The following PDPN variants were observed in gnomAD, a reference collection of about 807,000 sequenced individuals.
PDPN encodes the protein podoplanin.
PDPN carries 12 observed loss-of-function variants against 23.2 expected under a neutral mutation model. The observed-to-expected ratio is 0.52, with a 90% CI of 0.33 to 0.84. PDPN has a LOEUF of 0.84. PDPN is among the 40% of genes least tolerant of loss of function. PDPN has a pLI of 0.02. For missense variants in PDPN, 199 were observed against 212.2 expected, an observed-to-expected ratio of 0.94 and a Z score of 0.39; for synonymous variants, 77 against 76.7, an observed-to-expected ratio of 1.00 and a Z score of -0.02.
intron 2 of PDPN, 28 bp from the exon 3 acceptor site, chr1:13,610,359 T>G: frequency 4.4e-6 from 7 of 1,600,798 alleles, no homozygotes; most frequent in Non-Finnish European, 6.0e-6. Flanking sequence ...CTTTATTTCC[T>G]GTTTTTCCTC....
At position 13,607,141 on chromosome 1, in the gene PDPN, C is replaced by T. The variant is rs564373614; in HGVS notation, c.68-32C>T. 79 of 1,605,866 alleles carry T rather than the reference C, an allele frequency of 4.9e-5. 1 individual carries two copies. The South Asian group carries it at 7.6e-4, about 15-fold the overall frequency. On this transcript the variant is annotated intron_variant, in intron 1 of 5. Transcript: ENST00000621990. ...GTTGGGTCTGCTTATGCAATTTCCA[C>T]CTTAAGCTCTGACTCAATCTTTCTT...
rs78718571 is a variant in PDPN at position 13,601,218 on chromosome 1, C to G, written c.68-5955C>G. ...AGCTGATGTGAGGAGGAAGAGGGAGCTTACAGTGAAGAGAGCACGGATTTA... is the reference window on the plus strand; with the variant it reads ...AGCTGATGTGAGGAGGAAGAGGGAGGTTACAGTGAAGAGAGCACGGATTTA... On this transcript the variant is annotated intron_variant, in intron 1 of 5. Transcript: ENST00000621990. Among the ~76,000 whole-genome samples, 328 of 152,310 alleles carry G rather than the reference C, an allele frequency of 2.2e-3. 3 individuals carry two copies. Among genetic ancestry groups the G allele is most frequent in the African/African-American group, 7.6e-3 (317 of 41,570 alleles).
At chr1:13,601,531 A>G (rs1245155188) in intron 1 of PDPN, among the ~76,000 whole-genome samples, 1 of 152,078 alleles carries the variant, frequency 6.6e-6, no homozygotes, top group Non-Finnish European at 1.5e-5. Flanking sequence ...TAATTTTTGT[A>G]TTTTTAGTAG....
intron 1 of PDPN, among the ~76,000 whole-genome samples, chr1:13,602,201 A>G (rs919580082): frequency 6.6e-6 from 1 of 152,134 alleles, no homozygotes; most frequent in Non-Finnish European, 1.5e-5. Context: ...GGTGGTGGGC[A>G]CCTGTAGTCC....
chr1:13,585,562 C>CAG, intron 1 of PDPN: 2 of 1,351,980 alleles, frequency 1.5e-6, no homozygotes, highest in South Asian at 2.3e-5. Flanking sequence ...AAAGAAAAAG[C>CAG]TGCTGGGTAA....
chr1:13,607,987 C>T (rs1161749152), intron 2 of PDPN, among the ~76,000 whole-genome samples: 4 of 152,040 alleles, frequency 2.6e-5, no homozygotes, highest in Admixed American at 6.6e-5. Context: ...CACCTGTGAT[C>T]CCAGCTGCTC....
chr1:13,584,000 CG>C lies in PDPN; in HGVS notation c.-32del. On this transcript the variant is annotated 5_prime_UTR_variant, in exon 1 of 6. Transcript: ENST00000621990. The stretch of plus-strand genomic sequence containing the variant: ...TCCCCCAGCTCAGAATCTTGCTGCT[CG>C]GCCCCCAGGAGAGCAACAACTCAAC... 1.9e-6 allele frequency: 3 copies of C among 1,613,542 alleles called. No individual in the cohort carries two copies. Among genetic ancestry groups the C allele is most frequent in the Non-Finnish European group, 2.5e-6 (3 of 1,179,970 alleles).
chr1:13,606,233 A>T (rs143389175), intron 1 of PDPN, among the ~76,000 whole-genome samples: 92 of 151,386 alleles, frequency 6.1e-4, no homozygotes, highest in African/African-American at 2.1e-3. Context: ...CAAATTCCTG[A>T]CCTCAAATGA....
intron 3 of PDPN, among the ~76,000 whole-genome samples, chr1:13,612,855 A>G (rs1194487754): frequency 6.6e-6 from 1 of 151,874 alleles, no homozygotes; most frequent in Non-Finnish European, 1.5e-5. Context: ...GTGAACTAAG[A>G]TTTTAGGGCA....
At chr1:13,585,834 AC>A (rs1288531872) in intron 1 of PDPN, among the ~76,000 whole-genome samples, 3 of 152,250 alleles carry the variant, frequency 2.0e-5, no homozygotes, top group Non-Finnish European at 2.9e-5. Flanking sequence ...TGGATGAATA[AC>A]ATCATTGAGC....
intron 1 of PDPN, among the ~76,000 whole-genome samples, chr1:13,590,078 TC>T (rs1254262762): frequency 6.6e-6 from 1 of 152,242 alleles, no homozygotes; most frequent in East Asian, 1.9e-4. Context: ...TCCACCCGCC[TC>T]AGCCCTCCCA....
chr1:13,584,706 C>T (rs868609661), intron 1 of PDPN, among the ~76,000 whole-genome samples: 1 of 152,186 alleles, frequency 6.6e-6, no homozygotes, highest in South Asian at 2.1e-4. Flanking sequence ...GTGGAGGCTT[C>T]CGAGGAGTGT....
At chr1:13,605,849 T>C (rs963957637) in intron 1 of PDPN, among the ~76,000 whole-genome samples, 19 of 152,156 alleles carry the variant, frequency 1.2e-4, no homozygotes, top group Non-Finnish European at 2.2e-4. Context: ...TCTCGATCTC[T>C]TGACCTTCTG....
intron 1 of PDPN, among the ~76,000 whole-genome samples, chr1:13,587,682 A>G (rs1640215610): frequency 6.6e-6 from 1 of 152,164 alleles, no homozygotes; most frequent in Non-Finnish European, 1.5e-5. Flanking sequence ...CCAAGTGGAC[A>G]GTTACTGTGA....
chr1:13,609,739 A>G (rs1457130133), intron 2 of PDPN, among the ~76,000 whole-genome samples: 1 of 152,202 alleles, frequency 6.6e-6, no homozygotes, highest in East Asian at 1.9e-4. Context: ...AGGTTCATCC[A>G]TGCTATGGCA....
At chr1:13,600,078 A>T (rs1640603129) in intron 1 of PDPN, among the ~76,000 whole-genome samples, 1 of 152,202 alleles carries the variant, frequency 6.6e-6, no homozygotes, top group Admixed American at 6.5e-5. Context: ...AGACTGGAAG[A>T]TTCTAACAAG....
chr1:13,583,832 A>C lies in PDPN; in HGVS notation c.-202A>C. On this transcript the variant is annotated 5_prime_UTR_variant, in exon 1 of 6. Transcript: ENST00000621990. Reference sequence around the variant, plus strand: ...TGCTGACTCCGCTCGGAAAGTTCTCAACTGCAAAGTTTGCTGTCCGGCTGC... The same window carrying C: ...TGCTGACTCCGCTCGGAAAGTTCTCCACTGCAAAGTTTGCTGTCCGGCTGC... 1 of 1,568,020 alleles carries C rather than the reference A, an allele frequency of 6.4e-7. No individual in the cohort carries two copies. Among genetic ancestry groups the C allele is most frequent in the Admixed American group, 1.9e-5 (1 of 52,602 alleles).
chr1:13,615,149 G>A (rs902236388), intron 5 of PDPN, among the ~76,000 whole-genome samples: 3 of 152,128 alleles, frequency 2.0e-5, no homozygotes, highest in South Asian at 2.1e-4. Context: ...CTTGCCCTGC[G>A]TGCACCCACA....
At chr1:13,608,063 C>T (rs763585064) in intron 2 of PDPN, among the ~76,000 whole-genome samples, 1 of 152,124 alleles carries the variant, frequency 6.6e-6, no homozygotes, top group African/African-American at 2.4e-5. Context: ...CGAGATCGCA[C>T]CACTGCACTC....
Sources: gnomAD v4.1 joint callset for allele counts (sites outside exome capture counted in the v4.1 genomes callset) on GRCh38, gnomAD v4.1.1 for gene constraint, MANE v1.5 for transcripts, NCBI Gene and HGNC (gene_info 2026-07-23, HGNC 2026-07-21) for gene names.